The following GNAI1 variants were observed in gnomAD, a reference collection of about 807,000 sequenced individuals.
GNAI1 encodes the protein G protein subunit alpha i1.
GNAI1 carries 11 observed loss-of-function variants against 38.9 expected under a neutral mutation model. The ratio of observed to expected loss-of-function variants is 0.28; its 90% CI spans 0.18 to 0.47. The LOEUF is 0.47. Ranked by LOEUF, GNAI1 falls within the 20% of genes least tolerant of loss-of-function variation. The pLI is 0.99. For synonymous variants in GNAI1, 166 were observed against 145.1 expected (o/e 1.14, Z -1.04); for missense variants, 317 against 436.9 (o/e 0.73, Z 2.45).
rs79505568 is a variant in GNAI1 at position 80,190,913 on chromosome 7, C to T, written c.303+1682C>T. Among the ~76,000 whole-genome samples the T allele has an allele frequency of 4.5e-3, 685 of 151,686 alleles. 4 individuals are homozygous for T. Among genetic ancestry groups the T allele is most frequent in the African/African-American group, 0.014 (579 of 41,346 alleles). ...TTTCTTTTTTTAAACATAACTTGGG[C>T]GTAGTTTCAAGACTGGAAATAACTA... On this transcript the variant is annotated intron_variant, in intron 3 of 7. Transcript: ENST00000649796.
At chr7:80,174,683 G>A (rs1457744660) in intron 1 of GNAI1, among the ~76,000 whole-genome samples, 1 of 151,556 alleles carries the variant, frequency 6.6e-6, no homozygotes, top group Non-Finnish European at 1.5e-5. Context: ...TTTAAGTCTA[G>A]CCTGCTTTTA....
At chr7:80,136,426 T>C (rs1271062063) in intron 1 of GNAI1, among the ~76,000 whole-genome samples, 1 of 151,976 alleles carries the variant, frequency 6.6e-6, no homozygotes, top group Non-Finnish European at 1.5e-5. Context: ...GCAGAAAAAA[T>C]GGTGGGTTTT....
chr7:80,149,088 A>C (rs887891886), intron 1 of GNAI1, among the ~76,000 whole-genome samples: 5 of 152,110 alleles, frequency 3.3e-5, no homozygotes, highest in African/African-American at 1.2e-4. Context: ...TAGGGAAGCA[A>C]ACATTTGAGT....
intron 5 of GNAI1, 150 bp downstream of exon 5, chr7:80,203,982 T>C (rs149731723): frequency 1.0e-5 from 5 of 482,424 alleles, no homozygotes; most frequent in African/African-American, 8.1e-5. Context: ...AAAAGAATGT[T>C]TGGGAGAAAG....
intron 1 of GNAI1, among the ~76,000 whole-genome samples, chr7:80,165,894 C>T (rs1788003455): frequency 6.6e-6 from 1 of 152,056 alleles, no homozygotes; most frequent in Admixed American, 6.6e-5. Flanking sequence ...CTCGTTTGAT[C>T]TTTGTTACTT....
chr7:80,195,211 TATATA>T (rs999762010), intron 3 of GNAI1, among the ~76,000 whole-genome samples: 4 of 151,860 alleles, frequency 2.6e-5, no homozygotes, highest in African/African-American at 4.8e-5. Context: ...TTTGTATATT[TATATA>T]ATATGTTTAT....
At position 80,224,149 on chromosome 7, in the gene GNAI1, TAG is replaced by T. The variant is rs1412894863; in HGVS notation, c.*6660_*6661del. Among the ~76,000 whole-genome samples the T allele has an allele frequency of 6.6e-6, 1 of 152,170 alleles. No homozygotes were observed. The highest frequency in any genetic ancestry group is 2.4e-5 in the African/African-American group (1 of 41,452). Reference sequence around the variant, plus strand: ...AACTCCTCCATTATTTAAAATATGTTAGAGATACATAAATATATAGAGAAAAT... The same window carrying T: ...AACTCCTCCATTATTTAAAATATGTTAGATACATAAATATATAGAGAAAAT... On this transcript the variant is annotated 3_prime_UTR_variant, in exon 8 of 8. Transcript: ENST00000649796.
intron 1 of GNAI1, among the ~76,000 whole-genome samples, chr7:80,139,827 ATAAAT>A (rs374904845): frequency 1.0e-3 from 157 of 151,912 alleles, no homozygotes; most frequent in African/African-American, 3.7e-3. Context: ...ATTGTATTTG[ATAAAT>A]TAAAGTTGAG....
chr7:80,166,388 A>T (rs1432813145), intron 1 of GNAI1, among the ~76,000 whole-genome samples: 3 of 152,108 alleles, frequency 2.0e-5, no homozygotes, highest in Non-Finnish European at 2.9e-5. Context: ...GAAATTGTTT[A>T]AAAAAACAGA....
intron 4 of GNAI1, among the ~76,000 whole-genome samples, chr7:80,201,984 A>T (rs1788692481): frequency 6.6e-6 from 1 of 152,212 alleles, no homozygotes; most frequent in Non-Finnish European, 1.5e-5. Flanking sequence ...GTAATCATTT[A>T]AAACAATCAG....
Position 80,181,105 on chromosome 7 carries a change from T to TTA in GNAI1, c.119-7834_119-7833dup, listed in dbSNP as rs925462062. 1.6e-4 allele frequency among the ~76,000 whole-genome samples: 24 copies of TTA among 151,820 alleles called. No individual in the cohort carries two copies. The South Asian group carries it at 1.7e-3, about 11-fold the overall frequency. On this transcript the variant is annotated intron_variant, in intron 1 of 7. Coordinates refer to ENST00000649796, the MANE Select transcript of GNAI1 (RefSeq NM_002069.6). ...TCTTAAGTGATTGTTTTGTAAGTTT[T>TTA]TATATATATATATTACATGTATATA...
intron 1 of GNAI1, chr7:80,135,530 A>G (rs2116053269): frequency 2.7e-6 from 1 of 375,362 alleles, no homozygotes; most frequent in South Asian, 1.2e-4. Context: ...CTTTCGTGCG[A>G]CCCAGCAAAG....
intron 3 of GNAI1, among the ~76,000 whole-genome samples, chr7:80,195,371 A>G (rs1190043019): frequency 6.6e-6 from 1 of 151,872 alleles, no homozygotes; most frequent in Non-Finnish European, 1.5e-5. Context: ...CTTATGGGGA[A>G]AAAAGAAAAA....
intron 3 of GNAI1, among the ~76,000 whole-genome samples, chr7:80,196,671 T>G (rs908798784): frequency 2.0e-5 from 3 of 151,932 alleles, no homozygotes; most frequent in Non-Finnish European, 4.4e-5. Flanking sequence ...TACAGAAGAT[T>G]AGGTAGAATA....
intron 1 of GNAI1, among the ~76,000 whole-genome samples, chr7:80,176,346 T>TG (rs1788181571): frequency 6.6e-6 from 1 of 152,190 alleles, no homozygotes; most frequent in South Asian, 2.1e-4. Flanking sequence ...AAAATAAAAG[T>TG]GCAAGGTAAA....
chr7:80,196,618 T>C (rs1262255782), intron 3 of GNAI1, among the ~76,000 whole-genome samples: 2 of 151,970 alleles, frequency 1.3e-5, no homozygotes, highest in Non-Finnish European at 2.9e-5. Flanking sequence ...CCATGGAACT[T>C]TAAGTAAGTT....
intron 1 of GNAI1, among the ~76,000 whole-genome samples, chr7:80,161,746 A>G (rs368890195): frequency 6.6e-6 from 1 of 152,146 alleles, no homozygotes; most frequent in African/African-American, 2.4e-5. Context: ...ACTAATAGGA[A>G]GTTGAGTCCA....
intron 1 of GNAI1, among the ~76,000 whole-genome samples, chr7:80,157,868 G>A (rs761961362): frequency 2.9e-4 from 44 of 151,912 alleles, no homozygotes; most frequent in Non-Finnish European, 5.2e-4. Context: ...CAAAACACCC[G>A]GCTAATTTTT....
intron 4 of GNAI1, 64 bp downstream of exon 4, chr7:80,199,446 C>G: frequency 8.2e-7 from 1 of 1,224,986 alleles, no homozygotes; most frequent in South Asian, 1.6e-5. Context: ...AAATATACTT[C>G]CAAGTCAATT....
Sources: allele counts gnomAD v4.1 joint callset (sites outside exome capture counted in the v4.1 genomes callset), GRCh38; gene constraint gnomAD v4.1.1; transcripts MANE v1.5; gene names NCBI Gene and HGNC (gene_info 2026-07-23, HGNC 2026-07-21).